Variants in ZNRF3 observed in about 807,000 individuals in gnomAD.
ZNRF3 encodes zinc and ring finger 3, also known as E3 ubiquitin-protein ligase ZNRF3.
In ZNRF3, 23 loss-of-function variants were observed where a neutral mutation model predicts 72.5. The ratio of observed to expected loss-of-function variants is 0.32; its 90% CI spans 0.23 to 0.45. The LOEUF (loss-of-function observed/expected upper bound fraction) is 0.45, where lower values mean the gene tolerates loss of function less well. Ranked by LOEUF, ZNRF3 falls within the 20% of genes least tolerant of loss-of-function variation. The probability of loss-of-function intolerance (pLI) is 1.00; values close to 1 mark genes in which losing one functional copy is unlikely to be tolerated. For synonymous variants in ZNRF3, 610 were observed against 545.3 expected (o/e 1.12, Z -1.65); for missense variants, 1,169 against 1,272.1 (o/e 0.92, Z 1.23).
At chr22:28,885,659 G>A (rs928585429) in intron 1 of ZNRF3, among the ~76,000 whole-genome samples, 1 of 147,566 alleles carries the variant, frequency 6.8e-6, no homozygotes, top group African/African-American at 2.5e-5. Flanking sequence ...GACTTTTGAA[G>A]TTTGCAGTTT....
chr22:28,928,815 T>C (rs2034652532), intron 1 of ZNRF3, among the ~76,000 whole-genome samples: 1 of 152,162 alleles, frequency 6.6e-6, no homozygotes, highest in Admixed American at 6.5e-5. Context: ...CTTTTATAGA[T>C]GGCTTTAAAA....
intron 1 of ZNRF3, among the ~76,000 whole-genome samples, chr22:28,925,118 C>T (rs1221309503): frequency 1.3e-5 from 2 of 152,176 alleles, no homozygotes; most frequent in Non-Finnish European, 2.9e-5. Flanking sequence ...ATTCTGTTTT[C>T]TTGCTTAGCA....
At chr22:28,885,022 T>C (rs2033751787) in intron 1 of ZNRF3, among the ~76,000 whole-genome samples, 1 of 152,148 alleles carries the variant, frequency 6.6e-6, no homozygotes, top group African/African-American at 2.4e-5. Context: ...ATGGGGGCGA[T>C]TCGTAAAGGT....
At chr22:28,945,852 T>C in intron 1 of ZNRF3, among the ~76,000 whole-genome samples, 1 of 152,090 alleles carries the variant, frequency 6.6e-6, no homozygotes, top group Admixed American at 6.5e-5. Flanking sequence ...AAAAAAAGAA[T>C]TGTGTGGCAT....
At chr22:29,042,272 C>A (rs911535629) in intron 2 of ZNRF3, among the ~76,000 whole-genome samples, 3 of 152,212 alleles carry the variant, frequency 2.0e-5, no homozygotes, top group Admixed American at 6.5e-5. Context: ...GAATGTCCTT[C>A]TCCTAGCTAT....
chr22:28,998,360 T>A (rs1202183699), intron 2 of ZNRF3, among the ~76,000 whole-genome samples: 1 of 152,174 alleles, frequency 6.6e-6, no homozygotes, highest in East Asian at 1.9e-4. Context: ...CACTATCAAT[T>A]TCTAAACATA....
intron 1 of ZNRF3, among the ~76,000 whole-genome samples, chr22:28,915,271 CTA>C (rs2034388666): frequency 6.6e-6 from 1 of 152,124 alleles, no homozygotes; most frequent in South Asian, 2.1e-4. Flanking sequence ...GATGGTTTTC[CTA>C]TGTTTTCACG....
At chr22:28,936,701 T>C (rs1220750853) in intron 1 of ZNRF3, among the ~76,000 whole-genome samples, 1 of 152,156 alleles carries the variant, frequency 6.6e-6, no homozygotes, top group Admixed American at 6.5e-5. Flanking sequence ...CTCTAAGAAG[T>C]AGTGATTCTT....
rs779623486 is a variant in ZNRF3, at chr22:29,048,479, C to T, written c.1003C>T (p.His335Tyr). 2 of 1,614,150 alleles carry T rather than the reference C, an allele frequency of 1.2e-6. No homozygotes were observed. Among genetic ancestry groups the T allele is most frequent in the East Asian group, 2.2e-5 (1 of 44,882 alleles). Residue 335 changes from histidine (H) to tyrosine (Y), a missense_variant, in exon 7 of 9, where the codon CAC becomes TAC. Coordinates refer to ENST00000544604, the MANE Select transcript of ZNRF3 (RefSeq NM_001206998.2). The surrounding 1 kb of genome is among the most constrained non-coding windows in gnomAD (Gnocchi z 4.9). Reference protein sequence around the residue: ...LQHHTCPHCRHNIIEQKGNPS... With the variant: ...LQHHTCPHCRYNIIEQKGNPS... Reference sequence around the variant, plus strand: ...GCACCACACCTGCCCCCACTGTCGGCACAACATCATAGGTAACTGTCACCC... The same window carrying T: ...GCACCACACCTGCCCCCACTGTCGGTACAACATCATAGGTAACTGTCACCC...
At chr22:29,052,467 G>A (rs1490077125) in intron 8 of ZNRF3, among the ~76,000 whole-genome samples, 2 of 152,234 alleles carry the variant, frequency 1.3e-5, no homozygotes, top group Non-Finnish European at 2.9e-5. Context: ...GGCCAAGGCA[G>A]GCAGATCACC....
intron 8 of ZNRF3, among the ~76,000 whole-genome samples, chr22:29,051,732 C>T (rs1445141142): frequency 1.3e-5 from 2 of 151,654 alleles, no homozygotes; most frequent in African/African-American, 4.8e-5. Flanking sequence ...TATGGTGAAA[C>T]CCCATCTCTA....
intron 2 of ZNRF3, chr22:29,031,474 C>A (rs2036755438): frequency 1.9e-6 from 1 of 525,132 alleles, no homozygotes; most frequent in Non-Finnish European, 2.4e-6. Flanking sequence ...CTTGGTGAGG[C>A]AGGCCTTGGG....
At position 28,994,154 on chromosome 22, in the gene ZNRF3, T is replaced by C. The variant is rs150305390; in HGVS notation, c.426+6953T>C. 2.6e-3 allele frequency among the ~76,000 whole-genome samples: 385 copies of C among 148,934 alleles called. 6 individuals are homozygous for C. Among genetic ancestry groups the C allele is most frequent in the African/African-American group, 9.0e-3 (367 of 40,892 alleles). On this transcript the variant is annotated intron_variant, in intron 2 of 8. Transcript: ENST00000544604. The stretch of plus-strand genomic sequence containing the variant: ...CTTCTCTTCCTTTCTCTCTCCCTCC[T>C]TTATTGTCCTTCAGTTCCTTTCTTT...
At chr22:29,003,298 C>T (rs1231370770) in intron 2 of ZNRF3, among the ~76,000 whole-genome samples, 1 of 151,938 alleles carries the variant, frequency 6.6e-6, no homozygotes, top group East Asian at 1.9e-4. Flanking sequence ...GGGCGGATCA[C>T]GAGGGCAGGA....
intron 1 of ZNRF3, among the ~76,000 whole-genome samples, chr22:28,922,047 T>C (rs1486849197): frequency 3.3e-5 from 5 of 152,312 alleles, no homozygotes; most frequent in African/African-American, 1.2e-4. Context: ...ATATACACCT[T>C]ATTCACATAG....
chr22:28,947,765 A>T (rs778745246), intron 1 of ZNRF3, among the ~76,000 whole-genome samples: 3 of 152,252 alleles, frequency 2.0e-5, no homozygotes, highest in Non-Finnish European at 2.9e-5. Context: ...TTGGATCACA[A>T]AGAGATTTGC....
intron 8 of ZNRF3, among the ~76,000 whole-genome samples, chr22:29,051,603 TAAAAAAAAA>T (rs1212194016): frequency 9.5e-6 from 1 of 105,024 alleles, no homozygotes; most frequent in African/African-American, 3.7e-5. Context: ...GACTCTGTCT[TAAAAAAAAA>T]AAAAAAAAAA....
Position 28,956,166 on chromosome 22 carries a change from G to T in ZNRF3, c.301-30910G>T, listed in dbSNP as rs2123799352. 1.3e-5 allele frequency among the ~76,000 whole-genome samples: 2 copies of T among 152,208 alleles called. 1 individual carries two copies. The highest frequency in any genetic ancestry group is 3.9e-4 in the East Asian group (2 of 5,168). On this transcript the variant is annotated intron_variant, in intron 1 of 8. Coordinates refer to ENST00000544604, the MANE Select transcript of ZNRF3 (RefSeq NM_001206998.2). ...TCAAGGAGGGAGTGTGCTCATTGCA[G>T]GCTGCTTTCTGGGATGGGAGTAGGC... is the stretch of plus-strand genomic sequence containing the variant.
chr22:29,055,317 AGT>A lies in ZNRF3; in HGVS notation c.*1697_*1698del, dbSNP rs1237550691. Reference sequence around the variant, plus strand: ...TGTTGCCATCTGAAAGAACTGGCCCAGTGGGTCTGAAAGCTCGCTTGAGAATA... The same window carrying A: ...TGTTGCCATCTGAAAGAACTGGCCCAGGGTCTGAAAGCTCGCTTGAGAATA... On this transcript the variant is annotated 3_prime_UTR_variant, in exon 9 of 9. Transcript: ENST00000544604. The A allele has an allele frequency of 6.6e-6, 1 of 152,214 alleles. No individual in the cohort carries two copies. The highest frequency in any genetic ancestry group is 2.4e-5 in the African/African-American group (1 of 41,458). The allele number at this position is 152,214 out of a possible 1,614,324, so 9.4% of individuals were successfully genotyped here.
Sources: allele counts gnomAD v4.1 joint callset (sites outside exome capture counted in the v4.1 genomes callset), GRCh38; gene constraint gnomAD v4.1.1; non-coding constraint Gnocchi (gnomAD v3.1); transcripts MANE v1.5; gene names NCBI Gene and HGNC (gene_info 2026-07-23, HGNC 2026-07-21).